ERO1B: variants seen among roughly 807,000 people sequenced by gnomAD.
The protein encoded by ERO1B is ERO1-like protein beta.
A neutral mutation model predicts 75.3 loss-of-function variants in ERO1B; 49 were observed. The ratio of observed to expected loss-of-function variants is 0.65; its 90% CI spans 0.52 to 0.83. The LOEUF (loss-of-function observed/expected upper bound fraction) is 0.83, where lower values mean the gene tolerates loss of function less well. ERO1B is among the 40% of genes least tolerant of loss of function. The probability of loss-of-function intolerance (pLI) is 0.00; values close to 1 mark genes in which losing one functional copy is unlikely to be tolerated. For missense variants in ERO1B, 512 were observed against 560.1 expected (o/e 0.91, Z 0.87); for synonymous variants, 191 against 192.9 (o/e 0.99, Z 0.08).
intron 5 of ERO1B, 90 bp downstream of exon 5, chr1:236,249,795 T>A: frequency 2.1e-6 from 2 of 949,686 alleles, no homozygotes; most frequent in South Asian, 1.8e-5. Flanking sequence ...AAAACTTTAA[T>A]GGGTTCGAAA....
chr1:236,264,301 G>T (rs113451853), intron 2 of ERO1B, among the ~76,000 whole-genome samples: 81 of 152,054 alleles, frequency 5.3e-4, no homozygotes, highest in Non-Finnish European at 1.0e-3. Context: ...TGGAGACAGG[G>T]TTCTGCCATG....
At chr1:236,250,578 T>C (rs1359097721) in intron 4 of ERO1B, among the ~76,000 whole-genome samples, 1 of 29,646 alleles carries the variant, frequency 3.4e-5, no homozygotes, top group African/African-American at 1.4e-4. Context: ...TGACCATATA[T>C]ATATATATAT....
Position 236,263,085 on chromosome 1 carries a change from T to C in ERO1B, c.222+6790A>G, listed in dbSNP as rs991045840. Among the ~76,000 whole-genome samples, 62 of 152,168 alleles carry C rather than the reference T, an allele frequency of 4.1e-4. 1 individual carries two copies. The highest frequency in any genetic ancestry group is 2.6e-4 in the Admixed American group (4 of 15,280). ...TGCATCACAGCTTGACATCTCCCTT[T>C]GCCCAATCCTGATTCCCTGCCTTCC... On this transcript the variant is annotated intron_variant, in intron 2 of 15. Coordinates refer to ENST00000354619, the MANE Select transcript of ERO1B (RefSeq NM_019891.4).
At position 236,218,558 on chromosome 1, in the gene ERO1B, T is replaced by C. The variant is rs368639226; in HGVS notation, c.1362A>G (p.Arg454=). The C allele has an allele frequency of 3.6e-6, 5 of 1,393,860 alleles. No homozygotes were observed. The highest frequency in any genetic ancestry group is 5.4e-5 in the Admixed American group (2 of 36,870). The allele number at this position is 1,393,860 out of a possible 1,614,324, so 86.3% of individuals were successfully genotyped here. A position where few individuals can be genotyped will look rare whatever the true frequency, so the allele number is the denominator to read the frequency against. The change falls in exon 16 of 16, where the codon AGA becomes AGG. Residue 454 remains arginine, a synonymous_variant. Transcript: ENST00000354619. ...NAFGRLSTSI[R]DLQNFKVLLQ... is the part of the protein sequence containing the mutation. ...ATAAGACTTTAAAATTCTGTAAGTC[T>C]CTTATACTTGTAGAAAGCCTATGGA...
rs762968498 is a variant in ERO1B, at chr1:236,225,059, G to A, written c.1122+11C>T. 8 of 1,613,372 alleles carry A rather than the reference G, an allele frequency of 5.0e-6. No homozygotes were observed. The highest frequency in any genetic ancestry group is 2.5e-6 in the Non-Finnish European group (3 of 1,179,486). Reference sequence around the variant, plus strand: ...GCTCCCAACCCCGTGTCCCAATCGAGAACTTTTTACCTTTAGTGACTTGGC... The same window carrying A: ...GCTCCCAACCCCGTGTCCCAATCGAAAACTTTTTACCTTTAGTGACTTGGC... On this transcript the variant is annotated intron_variant, in intron 13 of 15. Transcript: ENST00000354619.
chr1:236,222,340 T>G (rs1489479576), intron 13 of ERO1B, among the ~76,000 whole-genome samples: 1 of 152,330 alleles, frequency 6.6e-6, no homozygotes, highest in Admixed American at 6.5e-5. Flanking sequence ...CTTGAACTCC[T>G]GGCCTCAAAT....
chr1:236,262,388 G>T (rs1665312393), intron 2 of ERO1B, among the ~76,000 whole-genome samples: 1 of 151,972 alleles, frequency 6.6e-6, no homozygotes, highest in South Asian at 2.1e-4. Context: ...TCCTGAAATG[G>T]CATCTTTTCA....
chr1:236,224,995 C>G (rs1664242752), intron 13 of ERO1B, 75 bp downstream of exon 13: 2 of 1,328,210 alleles, frequency 1.5e-6, no homozygotes, highest in Non-Finnish European at 2.2e-6. Flanking sequence ...GGAAAGAAAA[C>G]AGTTTGGATG....
At chr1:236,268,955 C>G (rs1366788908) in intron 2 of ERO1B, among the ~76,000 whole-genome samples, 1 of 151,924 alleles carries the variant, frequency 6.6e-6, no homozygotes, top group African/African-American at 2.4e-5. Flanking sequence ...TATATTTAGG[C>G]CGGGCACAGT....
chr1:236,237,328 G>T (rs931017948), intron 6 of ERO1B, among the ~76,000 whole-genome samples: 4 of 152,000 alleles, frequency 2.6e-5, no homozygotes, highest in Admixed American at 6.6e-5. Context: ...TGTTGGCCAG[G>T]CTGGTCTCAA....
rs200371784 is a variant in ERO1B, at chr1:236,225,416, TA to T, written c.1053-278del. Among the ~76,000 whole-genome samples the T allele has an allele frequency of 7.9e-5, 12 of 152,328 alleles. No homozygotes were observed. The East Asian group carries it at 2.3e-3, about 29-fold the overall frequency. ...AAAAATTAACTGAAAACAATCTATG[TA>T]AAAAATAGGCAATATTCCCTTAATA... On this transcript the variant is annotated intron_variant, in intron 12 of 15. Coordinates refer to ENST00000354619, the MANE Select transcript of ERO1B (RefSeq NM_019891.4).
intron 6 of ERO1B, among the ~76,000 whole-genome samples, chr1:236,238,415 C>G (rs1417635791): frequency 3.3e-5 from 5 of 151,658 alleles, no homozygotes; most frequent in Non-Finnish European, 5.9e-5. Flanking sequence ...GCACATGCCT[C>G]TAGTCCCAGT....
At chr1:236,268,807 A>G (rs1665524386) in intron 2 of ERO1B, among the ~76,000 whole-genome samples, 2 of 151,946 alleles carry the variant, frequency 1.3e-5, no homozygotes, top group Non-Finnish European at 2.9e-5. Flanking sequence ...AATGGTGTGA[A>G]CCTGGGAAGT....
At chr1:236,219,350 T>G (rs1664077078) in intron 15 of ERO1B, among the ~76,000 whole-genome samples, 1 of 152,074 alleles carries the variant, frequency 6.6e-6, no homozygotes, top group Non-Finnish European at 1.5e-5. Flanking sequence ...TGATTCTGAG[T>G]CCATTACTCT....
chr1:236,228,713 T>C (rs1317131760), intron 10 of ERO1B, among the ~76,000 whole-genome samples: 1 of 152,144 alleles, frequency 6.6e-6, no homozygotes, highest in Non-Finnish European at 1.5e-5. Flanking sequence ...AAGGAACCTT[T>C]ACAGGAATCA....
chr1:236,218,410 G>T lies in ERO1B; in HGVS notation c.*106C>A. Reference sequence around the variant, plus strand: ...GAGCATTTAAATTTTCTATTTAATAGTTCAGAATTCTTGAAGTCAGATTAG... The same window carrying T: ...GAGCATTTAAATTTTCTATTTAATATTTCAGAATTCTTGAAGTCAGATTAG... On this transcript the variant is annotated 3_prime_UTR_variant, in exon 16 of 16. Transcript: ENST00000354619. The T allele has an allele frequency of 9.2e-7, 1 of 1,087,268 alleles. No individual in the cohort carries two copies. The highest frequency in any genetic ancestry group is 3.3e-4 in the Middle Eastern group (1 of 3,042). 67.4% of individuals were successfully genotyped at this position (1,087,268 alleles called of 1,614,324 possible). A position where few individuals can be genotyped will look rare whatever the true frequency, so the allele number is the denominator to read the frequency against.
At chr1:236,281,532 G>T (rs1476456500) in intron 1 of ERO1B, 150 bp downstream of exon 1, 1 of 490,748 alleles carries the variant, frequency 2.0e-6, no homozygotes, top group Non-Finnish European at 3.3e-6. Context: ...GGACGGTCAG[G>T]TCTCTGCTCC....
At chr1:236,239,789 GTATA>G (rs67985500) in intron 6 of ERO1B, among the ~76,000 whole-genome samples, 3 of 97,508 alleles carry the variant, frequency 3.1e-5, no homozygotes, top group Non-Finnish European at 6.8e-5. Flanking sequence ...TCCTCTTCAA[GTATA>G]TATATATATA....
chr1:236,215,799 A>ACT lies in ERO1B; in HGVS notation c.*2715_*2716dup, dbSNP rs1301645070. 1 of 152,166 alleles carries ACT rather than the reference A, an allele frequency of 6.6e-6. No individual in the cohort carries two copies. The highest frequency in any genetic ancestry group is 1.5e-5 in the Non-Finnish European group (1 of 68,004). 9.4% of individuals were successfully genotyped at this position (152,166 alleles called of 1,614,324 possible). A position where few individuals can be genotyped will look rare whatever the true frequency, so the allele number is the denominator to read the frequency against. ...CAGTTTGCAAACTACTGAGAGGTTTACTGTGAACTGTTCCCAAATTTTCAG... is the reference window on the plus strand; with the variant it reads ...CAGTTTGCAAACTACTGAGAGGTTTACTCTGTGAACTGTTCCCAAATTTTCAG... On this transcript the variant is annotated 3_prime_UTR_variant, in exon 16 of 16. Transcript: ENST00000354619.
Sources: gnomAD v4.1 joint callset for allele counts (sites outside exome capture counted in the v4.1 genomes callset) on GRCh38, gnomAD v4.1.1 for gene constraint, MANE v1.5 for transcripts, NCBI Gene and HGNC (gene_info 2026-07-23, HGNC 2026-07-21) for gene names.